The following STON2 variants were observed in gnomAD, a reference collection of about 807,000 sequenced individuals.
STON2 encodes the protein stonin-2.
In STON2, 29 loss-of-function variants were observed where a neutral mutation model predicts 65.7. The ratio of observed to expected loss-of-function variants is 0.44; its 90% CI spans 0.33 to 0.60. STON2 has a LOEUF of 0.60. STON2 is among the 20% of genes least tolerant of loss of function. STON2 has a pLI of 0.03. For synonymous variants in STON2, 404 were observed against 414.2 expected, an observed-to-expected ratio of 0.98 and a Z score of 0.30; for missense variants, 1,054 against 1,118.1, an observed-to-expected ratio of 0.94 and a Z score of 0.82.
At chr14:81,290,132 T>C (rs377028045) in intron 5 of STON2, among the ~76,000 whole-genome samples, 4 of 152,202 alleles carry the variant, frequency 2.6e-5, no homozygotes, top group Non-Finnish European at 5.9e-5. Context: ...TTATATTCCA[T>C]TGTATGGGCA....
intron 3 of STON2, among the ~76,000 whole-genome samples, chr14:81,381,344 G>C (rs1196204791): frequency 6.6e-6 from 1 of 152,084 alleles, no homozygotes; most frequent in Admixed American, 6.6e-5. Context: ...GAAAAAAACT[G>C]TATCATTAAA....
Position 81,317,166 on chromosome 14 carries a change from G to A in STON2, c.742+6851C>T, listed in dbSNP as rs557107494. Among the ~76,000 whole-genome samples the A allele has an allele frequency of 6.6e-5, 10 of 152,342 alleles. No homozygotes were observed. The East Asian group carries it at 1.4e-3, about 21-fold the overall frequency. ...GGTGAAGGGGGAGAAGGCATGTCAC[G>A]TGGCAAGAGAAAGAGCAAGAGAGAT... On this transcript the variant is annotated intron_variant, in intron 5 of 7. Coordinates refer to ENST00000614646, the MANE Select transcript of STON2 (RefSeq NM_001394390.1).
At chr14:81,338,638 A>C (rs1199901097) in intron 4 of STON2, among the ~76,000 whole-genome samples, 1 of 152,198 alleles carries the variant, frequency 6.6e-6, no homozygotes, top group Non-Finnish European at 1.5e-5. Context: ...CTGGTATCTT[A>C]AGTGGGGGAT....
chr14:81,367,294 T>A (rs1333760642), intron 4 of STON2, among the ~76,000 whole-genome samples: 1 of 152,108 alleles, frequency 6.6e-6, no homozygotes, highest in Non-Finnish European at 1.5e-5. Context: ...TTCTCCTGCC[T>A]CAGCTTCTCA....
At chr14:81,379,548 C>T (rs1899415528) in intron 3 of STON2, among the ~76,000 whole-genome samples, 1 of 152,092 alleles carries the variant, frequency 6.6e-6, no homozygotes, top group African/African-American at 2.4e-5. Context: ...CAAAACAATC[C>T]TAAGCAAGAA....
intron 3 of STON2, among the ~76,000 whole-genome samples, chr14:81,383,778 T>C (rs956464391): frequency 6.6e-6 from 1 of 152,142 alleles, no homozygotes; most frequent in Non-Finnish European, 1.5e-5. Flanking sequence ...CGCTACACCA[T>C]AGCTGCCACA....
rs536914427 is a variant in STON2, at chr14:81,412,505, T to A, written c.-198-13925A>T. On this transcript the variant is annotated intron_variant, in intron 2 of 8. Coordinates refer to the STON2 transcript ENST00000553821. ...CAGTTACAAAACGACAAATACTATA[T>A]GATTCCACTTACATGAAGTACTTAG... Among the ~76,000 whole-genome samples, 2 of 139,960 alleles carry A rather than the reference T, an allele frequency of 1.4e-5. 1 individual carries two copies. The highest frequency in any genetic ancestry group is 3.0e-5 in the Non-Finnish European group (2 of 66,948). 91.8% of individuals were successfully genotyped at this position (139,960 alleles called of 152,430 possible).
Position 81,413,934 on chromosome 14 carries a change from T to C in STON2, c.-199+13168A>G, listed in dbSNP as rs537104988. ...TTTCTTACTGTTTTAATTTAAAATA[T>C]TAGCAACATTGAGAATAAAGTGTTT... On this transcript the variant is annotated intron_variant, in intron 2 of 8. Transcript: ENST00000553821. 2.2e-4 allele frequency among the ~76,000 whole-genome samples: 31 copies of C among 140,092 alleles called. 5 individuals carry two copies. The highest frequency in any genetic ancestry group is 7.8e-4 in the Admixed American group (11 of 14,112). 91.9% of individuals were successfully genotyped at this position (140,092 alleles called of 152,430 possible). A position where few individuals can be genotyped will look rare whatever the true frequency, so the allele number is the denominator to read the frequency against.
chr14:81,433,200 T>C (rs1158174046), intron 1 of STON2, among the ~76,000 whole-genome samples: 1 of 152,254 alleles, frequency 6.6e-6, no homozygotes, highest in Admixed American at 6.5e-5. Context: ...GAAGGCAAGC[T>C]GCTCAAGCGC....
intron 5 of STON2, among the ~76,000 whole-genome samples, chr14:81,322,033 G>T (rs1896838516): frequency 6.6e-6 from 1 of 152,178 alleles, no homozygotes; most frequent in Non-Finnish European, 1.5e-5. Flanking sequence ...AGCCTGCTGC[G>T]ACTGGACCGT....
Position 81,262,490 on chromosome 14 carries a change from T to C in STON2, c.*5924A>G. ...TTACTTTTAACTTTAAGAGATGGCT[T>C]CTAGTTCAAGTATTTTGAGGCTTGG... On this transcript the variant is annotated 3_prime_UTR_variant, in exon 8 of 8. Transcript: ENST00000614646. 4.1e-6 allele frequency: 4 copies of C among 985,338 alleles called. No homozygotes were observed. The highest frequency in any genetic ancestry group is 3.6e-6 in the Non-Finnish European group (3 of 829,802). 61.0% of individuals were successfully genotyped at this position (985,338 alleles called of 1,614,324 possible).
chr14:81,317,992 G>A (rs1016364412), intron 5 of STON2, among the ~76,000 whole-genome samples: 2 of 152,076 alleles, frequency 1.3e-5, no homozygotes, highest in African/African-American at 4.8e-5. Context: ...TTTAGGCGGA[G>A]TCTCACTCTG....
At chr14:81,281,588 C>T (rs1201903230) in intron 5 of STON2, among the ~76,000 whole-genome samples, 2 of 152,174 alleles carry the variant, frequency 1.3e-5, no homozygotes, top group Non-Finnish European at 2.9e-5. Flanking sequence ...TCTGCCAAAG[C>T]TGTTTACACT....
intron 4 of STON2, among the ~76,000 whole-genome samples, chr14:81,353,046 A>G (rs1898085111): frequency 6.6e-6 from 1 of 152,248 alleles, no homozygotes; most frequent in African/African-American, 2.4e-5. Context: ...TGTATAGGAC[A>G]GTAATATTCT....
chr14:81,400,159 T>A (rs1001395675), intron 1 of STON2, among the ~76,000 whole-genome samples, 120 bp downstream of exon 1: 2 of 152,114 alleles, frequency 1.3e-5, no homozygotes, highest in South Asian at 2.1e-4. Flanking sequence ...CCAAGCTGTA[T>A]AAAGGATGGG....
chr14:81,297,300 A>C (rs936942331), intron 5 of STON2, among the ~76,000 whole-genome samples: 1 of 152,156 alleles, frequency 6.6e-6, no homozygotes, highest in Non-Finnish European at 1.5e-5. Context: ...CCTCTATTTT[A>C]GTAAGGGGGG....
chr14:81,285,647 T>C (rs1895304096), intron 5 of STON2, among the ~76,000 whole-genome samples: 1 of 152,156 alleles, frequency 6.6e-6, no homozygotes, highest in African/African-American at 2.4e-5. Flanking sequence ...AGTATTTTCT[T>C]GAGATAGAAT....
chr14:81,299,954 T>G (rs1038754662), intron 5 of STON2, among the ~76,000 whole-genome samples: 1 of 151,558 alleles, frequency 6.6e-6, no homozygotes, highest in Non-Finnish European at 1.5e-5. Context: ...CTTAAAAAAA[T>G]TTTTTTGATA....
intron 1 of STON2, among the ~76,000 whole-genome samples, chr14:81,428,712 T>A (rs994821301): frequency 8.5e-5 from 13 of 152,106 alleles, no homozygotes; most frequent in African/African-American, 2.7e-4. Context: ...GACACAATGA[T>A]ACTCTGTCTC....
Sources: allele counts gnomAD v4.1 joint callset (sites outside exome capture counted in the v4.1 genomes callset), GRCh38; gene constraint gnomAD v4.1.1; transcripts MANE v1.5; gene names NCBI Gene and HGNC (gene_info 2026-07-23, HGNC 2026-07-21).